CLNK: variants seen among roughly 807,000 people sequenced by gnomAD.
The protein encoded by CLNK is cytokine dependent hematopoietic cell linker.
In CLNK, 74 loss-of-function variants were observed where a neutral mutation model predicts 68.6. That is an observed-to-expected ratio of 1.08 (90% CI 0.89 to 1.31). The LOEUF (loss-of-function observed/expected upper bound fraction) is 1.31. Ranked by LOEUF, CLNK falls within the 50% of genes most tolerant of loss-of-function variation. The pLI, the probability that CLNK is intolerant of heterozygous loss-of-function variation, is 0.00. For missense variants in CLNK, 553 were observed against 515.3 expected, an observed-to-expected ratio of 1.07 and a Z score of -0.71; for synonymous variants, 198 against 172.2, an observed-to-expected ratio of 1.15 and a Z score of -1.17.
intron 4 of CLNK, among the ~76,000 whole-genome samples, chr4:10,583,665 T>C (rs1720869893): frequency 6.6e-6 from 1 of 151,982 alleles, no homozygotes; most frequent in South Asian, 2.1e-4. Flanking sequence ...GGTTCGAGTG[T>C]GTATGAGCAG....
intron 1 of CLNK, among the ~76,000 whole-genome samples, chr4:10,679,110 AAACTATACTACAAGGCTGCAGC>A (rs1329859526): frequency 6.6e-6 from 1 of 152,200 alleles, no homozygotes; most frequent in African/African-American, 2.4e-5. Context: ...ACCTGACTTC[AAACTATACTACAAGGCTGCAGC>A]AACCAAAACA....
At chr4:10,630,445 A>G (rs1722841210) in intron 2 of CLNK, among the ~76,000 whole-genome samples, 1 of 152,204 alleles carries the variant, frequency 6.6e-6, no homozygotes, top group African/African-American at 2.4e-5. Flanking sequence ...CCAGAAGCTC[A>G]GAGTCGTTTC....
chr4:10,530,008 C>A (rs1228281314), intron 12 of CLNK, among the ~76,000 whole-genome samples: 1 of 151,750 alleles, frequency 6.6e-6, no homozygotes, highest in African/African-American at 2.4e-5. Flanking sequence ...TTTCCTTTTT[C>A]CTCCCTCCTT....
chr4:10,708,189 C>A, the CLNK span, among the ~76,000 whole-genome samples: 1 of 152,098 alleles, frequency 6.6e-6, no homozygotes, highest in Non-Finnish European at 1.5e-5. Flanking sequence ...GACTTCCTGA[C>A]GCTCCTTAAC....
intron 14 of CLNK, among the ~76,000 whole-genome samples, chr4:10,521,933 A>G (rs955228402): frequency 1.2e-4 from 18 of 152,158 alleles, no homozygotes; most frequent in African/African-American, 3.9e-4. Flanking sequence ...TGATATGAAT[A>G]TAAGGGGAAA....
chr4:10,498,037 A>G (rs1178028157), intron 18 of CLNK, among the ~76,000 whole-genome samples: 3 of 152,144 alleles, frequency 2.0e-5, no homozygotes, highest in Non-Finnish European at 4.4e-5. Flanking sequence ...CTCTATTAAA[A>G]ATACAAAATT....
At chr4:10,495,768 AGAG>A (rs1716778415) in intron 18 of CLNK, among the ~76,000 whole-genome samples, 2 of 152,010 alleles carry the variant, frequency 1.3e-5, no homozygotes, top group South Asian at 4.2e-4. Flanking sequence ...TGATGAGAGA[AGAG>A]GAGAAGGTCA....
intron 2 of CLNK, among the ~76,000 whole-genome samples, chr4:10,599,174 T>C (rs1721494422): frequency 2.0e-5 from 3 of 152,230 alleles, no homozygotes; most frequent in Non-Finnish European, 4.4e-5. Flanking sequence ...CAGAGATTTG[T>C]AGGACTTAGC....
At chr4:10,706,914 A>G in the CLNK span, among the ~76,000 whole-genome samples, 12 of 152,128 alleles carry the variant, frequency 7.9e-5, no homozygotes, top group African/African-American at 1.9e-4. Flanking sequence ...GAAGTTGAAC[A>G]TGCCTCATCA....
chr4:10,515,912 A>G (rs1333604934), intron 15 of CLNK, among the ~76,000 whole-genome samples: 1 of 152,240 alleles, frequency 6.6e-6, no homozygotes, highest in African/African-American at 2.4e-5. Context: ...GTAGCAGAAT[A>G]TAAAAAGTTC....
chr4:10,609,365 T>A lies in CLNK; in HGVS notation c.12-11316A>T, dbSNP rs577755202. On this transcript the variant is annotated intron_variant, in intron 2 of 18. Coordinates refer to ENST00000226951, the MANE Select transcript of CLNK (RefSeq NM_052964.4). ...GGAGGTAGCCCATTCTCTGATCTCCTTCCAGTCCCTGGGGTCCACCTGGGC... is the reference window on the plus strand; with the variant it reads ...GGAGGTAGCCCATTCTCTGATCTCCATCCAGTCCCTGGGGTCCACCTGGGC... 4.6e-5 allele frequency among the ~76,000 whole-genome samples: 7 copies of A among 152,356 alleles called. No individual in the cohort carries two copies. The East Asian group carries it at 1.3e-3, about 29-fold the overall frequency.
the CLNK span, among the ~76,000 whole-genome samples, chr4:10,729,178 C>G: frequency 6.6e-6 from 1 of 152,122 alleles, no homozygotes; most frequent in Non-Finnish European, 1.5e-5. Flanking sequence ...CTGTTTGGCA[C>G]TCTGTACCTT....
rs1044868506 is a variant in CLNK, at chr4:10,542,023, G to A, written c.490C>T (p.Arg164Trp). ...AAATGCTATTTTAAAGTGTTTTACC[G>A]AGGAGGTGGTAAAGGAATCTGAAAA... is the stretch of plus-strand genomic sequence containing the variant. Reference protein sequence around the residue: ...RKNKIPLPPPRPLITLPKKYQ... With the variant: ...RKNKIPLPPPWPLITLPKKYQ... The change falls in exon 10 of 19, where the codon CGG becomes TGG. Residue 164 changes from arginine (R) to tryptophan (W), a missense_variant and splice_region_variant. Physicochemically the swap from Arg to Trp is moderately radical, Grantham distance 101. Coordinates refer to ENST00000226951, the MANE Select transcript of CLNK (RefSeq NM_052964.4). 6.9e-6 allele frequency: 11 copies of A among 1,586,850 alleles called. No individual in the cohort carries two copies. Among genetic ancestry groups the A allele is most frequent in the African/African-American group, 4.1e-5 (3 of 73,600 alleles).
At chr4:10,603,533 A>G (rs1721671306) in intron 2 of CLNK, among the ~76,000 whole-genome samples, 1 of 152,140 alleles carries the variant, frequency 6.6e-6, no homozygotes, top group Admixed American at 6.5e-5. Flanking sequence ...GAGGAAGCAG[A>G]CTCTGAGACA....
intron 2 of CLNK, among the ~76,000 whole-genome samples, chr4:10,626,797 T>C (rs1025427637): frequency 6.6e-6 from 1 of 152,220 alleles, no homozygotes; most frequent in Non-Finnish European, 1.5e-5. Context: ...GTTGCGGACA[T>C]GTGTTTTAAT....
intron 17 of CLNK, among the ~76,000 whole-genome samples, chr4:10,507,248 A>G (rs940424065): frequency 2.3e-4 from 35 of 151,636 alleles, no homozygotes; most frequent in African/African-American, 7.5e-4. Context: ...AGTAGCTGAG[A>G]TTATAGGCAC....
At chr4:10,708,194 C>G in the CLNK span, among the ~76,000 whole-genome samples, 1 of 152,150 alleles carries the variant, frequency 6.6e-6, no homozygotes, top group East Asian at 1.9e-4. Context: ...CCTGACGCTC[C>G]TTAACCTTTC....
the CLNK span, among the ~76,000 whole-genome samples, chr4:10,710,790 T>C: frequency 6.6e-6 from 1 of 152,328 alleles, no homozygotes; most frequent in Middle Eastern, 3.4e-3. Flanking sequence ...TCTGTCTCCC[T>C]TGACATTGTC....
At chr4:10,668,429 A>G (rs1388802717) in intron 1 of CLNK, among the ~76,000 whole-genome samples, 2 of 152,214 alleles carry the variant, frequency 1.3e-5, no homozygotes, top group Non-Finnish European at 2.9e-5. Context: ...TTAGCAGCAG[A>G]GACCCTGGGA....
Sources: gnomAD v4.1 joint callset for allele counts (sites outside exome capture counted in the v4.1 genomes callset) on GRCh38, gnomAD v4.1.1 for gene constraint, MANE v1.5 for transcripts, NCBI Gene and HGNC (gene_info 2026-07-23, HGNC 2026-07-21) for gene names.